The following EYA1 variants were observed in gnomAD, a reference collection of about 807,000 sequenced individuals.
EYA1 encodes the protein protein phosphatase EYA1.
Under a neutral mutation model 82.0 loss-of-function variants are expected in EYA1, and 16 were observed. The ratio of observed to expected loss-of-function variants is 0.20; its 90% confidence interval spans 0.13 to 0.30. EYA1 has a LOEUF of 0.30. EYA1 is among the 10% of genes least tolerant of loss of function. EYA1 has a pLI of 1.00. For synonymous variants in EYA1, 261 were observed against 264.4 expected (o/e 0.99, Z 0.12); for missense variants, 633 against 730.7 (o/e 0.87, Z 1.54).
At chr8:71,391,789 T>A (rs903875090) in intron 2 of EYA1, among the ~76,000 whole-genome samples, 1 of 152,186 alleles carries the variant, frequency 6.6e-6, no homozygotes, top group African/African-American at 2.4e-5. Flanking sequence ...CATACTGTAG[T>A]ACAATTCCCA....
chr8:71,209,713 A>G (rs111636531), intron 17 of EYA1, among the ~76,000 whole-genome samples: 1,854 of 152,312 alleles, frequency 0.012, 7 homozygotes, highest in Non-Finnish European at 0.019. Flanking sequence ...GAGATATTGT[A>G]TCATTTATGG....
intron 2 of EYA1, among the ~76,000 whole-genome samples, chr8:71,427,157 TG>T (rs1158214971): frequency 6.6e-6 from 1 of 152,236 alleles, no homozygotes; most frequent in Non-Finnish European, 1.5e-5. Flanking sequence ...TTTGTTCTCT[TG>T]AAACATCGCA....
At chr8:71,432,501 C>A (rs772997272) in intron 2 of EYA1, among the ~76,000 whole-genome samples, 1 of 152,138 alleles carries the variant, frequency 6.6e-6, no homozygotes, top group Non-Finnish European at 1.5e-5. Flanking sequence ...AGTCCAAGAT[C>A]AAGGCATCTT....
chr8:71,238,217 C>T (rs1167624486), intron 12 of EYA1, among the ~76,000 whole-genome samples: 1 of 152,078 alleles, frequency 6.6e-6, no homozygotes, highest in African/African-American at 2.4e-5. Flanking sequence ...TTAAAACATA[C>T]ACAATTTTTC....
At chr8:71,457,678 G>A (rs1226813941) in intron 2 of EYA1, among the ~76,000 whole-genome samples, 11 of 151,998 alleles carry the variant, frequency 7.2e-5, no homozygotes, top group East Asian at 5.8e-4. Flanking sequence ...ACCAAACACC[G>A]CATGTTCTCA....
intron 9 of EYA1, among the ~76,000 whole-genome samples, chr8:71,292,675 A>G (rs1586213024): frequency 6.6e-6 from 1 of 152,020 alleles, no homozygotes; most frequent in Admixed American, 6.5e-5. Flanking sequence ...GTTTATAAAT[A>G]TATACATCAT....
intron 11 of EYA1, among the ~76,000 whole-genome samples, chr8:71,260,933 A>T (rs1207568653): frequency 1.3e-5 from 2 of 152,228 alleles, no homozygotes; most frequent in Non-Finnish European, 2.9e-5. Context: ...TAGAATGCTA[A>T]TATTACAGCC....
chr8:71,307,167 AAAG>A (rs1202228450), intron 7 of EYA1, among the ~76,000 whole-genome samples: 4 of 152,218 alleles, frequency 2.6e-5, no homozygotes, highest in Non-Finnish European at 4.4e-5. Context: ...TTAAGAGAGA[AAAG>A]AAGGTCTCTC....
chr8:71,271,925 C>A (rs1452820586), intron 9 of EYA1, 28 bp from the exon 10 acceptor site: 2 of 1,613,778 alleles, frequency 1.2e-6, no homozygotes, highest in South Asian at 2.2e-5. Flanking sequence ...GGACTTTCAT[C>A]TTTTATTTCC....
intron 2 of EYA1, among the ~76,000 whole-genome samples, chr8:71,454,207 A>G (rs1807671214): frequency 6.6e-6 from 1 of 152,240 alleles, no homozygotes; most frequent in Non-Finnish European, 1.5e-5. Flanking sequence ...GATCAATTCA[A>G]CAAGAAAAGC....
chr8:71,501,010 T>C (rs1811773148), intron 2 of EYA1, among the ~76,000 whole-genome samples: 1 of 152,220 alleles, frequency 6.6e-6, no homozygotes, highest in South Asian at 2.1e-4. Context: ...TTCCAATTTA[T>C]GATAACTTGG....
At chr8:71,492,904 T>C (rs1346666178) in intron 2 of EYA1, among the ~76,000 whole-genome samples, 1 of 152,214 alleles carries the variant, frequency 6.6e-6, no homozygotes, top group African/African-American at 2.4e-5. Context: ...CCTGATCCTC[T>C]CCCTCCTTCC....
chr8:71,409,082 C>T (rs1160584922), intron 2 of EYA1, among the ~76,000 whole-genome samples: 1 of 105,690 alleles, frequency 9.5e-6, no homozygotes, highest in East Asian at 2.2e-4. Flanking sequence ...CTCAAAGCCG[C>T]TCAACTACAT....
chr8:71,412,236 G>T, intron 2 of EYA1, among the ~76,000 whole-genome samples: 1 of 110,038 alleles, frequency 9.1e-6, no homozygotes, highest in Non-Finnish European at 1.8e-5. Flanking sequence ...TGGTGGGGTG[G>T]GGGGAGGGGG....
intron 4 of EYA1, among the ~76,000 whole-genome samples, chr8:71,330,848 T>A (rs1437546449): frequency 8.0e-6 from 1 of 125,052 alleles, no homozygotes; most frequent in Non-Finnish European, 1.8e-5. Flanking sequence ...TATCCTTGAT[T>A]TCTTGTGTGT....
chr8:71,402,102 G>T (rs1405724878), intron 2 of EYA1, among the ~76,000 whole-genome samples: 1 of 152,168 alleles, frequency 6.6e-6, no homozygotes, highest in East Asian at 1.9e-4. Context: ...TGTAGGTCTA[G>T]GTCCTCTCCA....
chr8:71,350,906 C>T (rs1345467552), intron 3 of EYA1, among the ~76,000 whole-genome samples: 2 of 152,094 alleles, frequency 1.3e-5, no homozygotes, highest in African/African-American at 2.4e-5. Flanking sequence ...AATAAAAATC[C>T]TTTTAGGGCC....
chr8:71,443,770 C>T (rs933005941), intron 2 of EYA1, among the ~76,000 whole-genome samples: 2 of 152,186 alleles, frequency 1.3e-5, no homozygotes, highest in Non-Finnish European at 2.9e-5. Flanking sequence ...TTGGGTCCAC[C>T]CTTAAAGCCT....
chr8:71,249,750 C>T (rs141679964), intron 11 of EYA1, among the ~76,000 whole-genome samples: 407 of 152,310 alleles, frequency 2.7e-3, no homozygotes, highest in Middle Eastern at 0.01. Context: ...TCTATCAGAT[C>T]TTAGATCTCA....
Sources: gnomAD v4.1 joint callset for allele counts (sites outside exome capture counted in the v4.1 genomes callset) on GRCh38, gnomAD v4.1.1 for gene constraint, MANE v1.5 for transcripts, NCBI Gene and HGNC (gene_info 2026-07-23, HGNC 2026-07-21) for gene names.